Variants in ANKRD18A observed in about 807,000 individuals in gnomAD.
ANKRD18A encodes the protein ankyrin repeat domain 18A.
ANKRD18A carries 72 observed loss-of-function variants against 110.6 expected under a neutral mutation model. The ratio of observed to expected loss-of-function variants is 0.65; its 90% CI spans 0.54 to 0.79. The LOEUF (loss-of-function observed/expected upper bound fraction) is 0.79. Among genes scored for constraint, ANKRD18A ranks in the 30% least tolerant of loss-of-function variants. The pLI, the probability that ANKRD18A is intolerant of heterozygous loss-of-function variation, is 0.00. For missense variants in ANKRD18A, 934 were observed against 1,163.3 expected (o/e 0.80, Z 2.87); for synonymous variants, 305 against 410.3 (o/e 0.74, Z 3.10).
At chr9:38,591,278 A>G (rs2118752395) in intron 10 of ANKRD18A, among the ~76,000 whole-genome samples, 1 of 152,040 alleles carries the variant, frequency 6.6e-6, no homozygotes, top group Non-Finnish European at 1.5e-5. Flanking sequence ...CAGGTGTTCC[A>G]TGGAATGGTT....
intron 5 of ANKRD18A, among the ~76,000 whole-genome samples, chr9:38,608,543 AT>A (rs1401511893): frequency 1.4e-5 from 2 of 147,384 alleles, no homozygotes; most frequent in African/African-American, 4.9e-5. Context: ...ATTATATAAT[AT>A]ATAGATTATA....
At chr9:38,613,014 G>A (rs966455518) in intron 3 of ANKRD18A, among the ~76,000 whole-genome samples, 5 of 151,772 alleles carry the variant, frequency 3.3e-5, no homozygotes, top group African/African-American at 7.3e-5. Context: ...ATAATTGAGG[G>A]ATTTATATAA....
Position 38,612,521 on chromosome 9 carries a change from C to CTTTTTTT in ANKRD18A, c.496-1207_496-1201dup, listed in dbSNP as rs767816627. On this transcript the variant is annotated intron_variant, in intron 3 of 15. Transcript: ENST00000399703. ...AAGTCACTTGCATTTTTTTCTTTTT[C>CTTTTTTT]TTTTTTTTTTTTTGGAAATGGGGTC... 2.8e-3 allele frequency among the ~76,000 whole-genome samples: 353 copies of CTTTTTTT among 124,276 alleles called. 7 individuals are homozygous for CTTTTTTT. Among genetic ancestry groups the CTTTTTTT allele is most frequent in the Admixed American group, 4.7e-3 (55 of 11,808 alleles). The allele number at this position is 124,276 out of a possible 152,430, so 81.5% of individuals were successfully genotyped here.
chr9:38,615,580 T>C lies in ANKRD18A; in HGVS notation c.495+14A>G. The C allele has an allele frequency of 1.9e-6, 3 of 1,554,992 alleles. No individual in the cohort carries two copies. Among genetic ancestry groups the C allele is most frequent in the Non-Finnish European group, 2.6e-6 (3 of 1,155,364 alleles). ...AAAACAAACATTTTGAAAAGAAAGT[T>C]GATTGATCTGTACCTTGTTTAGTGC... On this transcript the variant is annotated intron_variant, in intron 3 of 15. Coordinates refer to ENST00000399703, the MANE Select transcript of ANKRD18A (RefSeq NM_147195.4).
At chr9:38,573,845 T>C (rs1211937292) in intron 15 of ANKRD18A, among the ~76,000 whole-genome samples, 6 of 152,234 alleles carry the variant, frequency 3.9e-5, no homozygotes, top group African/African-American at 1.2e-4. Flanking sequence ...AATAAATTTT[T>C]TCTTAAAAAG....
At chr9:38,585,710 G>A (rs1313541134) in intron 12 of ANKRD18A, among the ~76,000 whole-genome samples, 2 of 152,034 alleles carry the variant, frequency 1.3e-5, no homozygotes, top group African/African-American at 4.8e-5. Context: ...ACATGTATTT[G>A]TATGTTCATT....
intron 12 of ANKRD18A, among the ~76,000 whole-genome samples, chr9:38,583,363 C>T: frequency 6.6e-6 from 1 of 152,144 alleles, no homozygotes; most frequent in East Asian, 1.9e-4. Flanking sequence ...AAAACTCATA[C>T]ATAAATGTTT....
chr9:38,594,429 A>G (rs1824787850), intron 9 of ANKRD18A, among the ~76,000 whole-genome samples: 1 of 152,222 alleles, frequency 6.6e-6, no homozygotes, highest in African/African-American at 2.4e-5. Flanking sequence ...ACTGGAAAGA[A>G]TTATATCCAA....
At position 38,589,029 on chromosome 9, in the gene ANKRD18A, G is replaced by T. The variant is rs528451036; in HGVS notation, c.2005-366C>A. ...TCATTAATAGTTTAAGATATTCCAA[G>T]TTAAATTACATCTTACTAAGATGAT... On this transcript the variant is annotated intron_variant, in intron 10 of 15. Coordinates refer to ENST00000399703, the MANE Select transcript of ANKRD18A (RefSeq NM_147195.4). Among the ~76,000 whole-genome samples the T allele has an allele frequency of 1.5e-3, 223 of 152,260 alleles. 1 individual carries two copies. The highest frequency in any genetic ancestry group is 5.0e-3 in the African/African-American group (206 of 41,562).
chr9:38,617,599 A>C (rs1418889657), intron 1 of ANKRD18A, among the ~76,000 whole-genome samples: 1 of 152,208 alleles, frequency 6.6e-6, no homozygotes. Context: ...AAGACTGATA[A>C]ATTTTCAAAA....
intron 4 of ANKRD18A, among the ~76,000 whole-genome samples, chr9:38,610,908 GT>G (rs1452559198): frequency 6.7e-6 from 1 of 148,854 alleles, no homozygotes; most frequent in African/African-American, 2.5e-5. Flanking sequence ...TAAACTGAAA[GT>G]TAAAGTCTAC....
chr9:38,617,419 G>A (rs557715416), intron 1 of ANKRD18A, among the ~76,000 whole-genome samples: 24 of 152,152 alleles, frequency 1.6e-4, no homozygotes, highest in South Asian at 4.2e-4. Flanking sequence ...CAGCATAGGC[G>A]ACAGAGTGAG....
chr9:38,571,013 C>T (rs111650159), downstream of ANKRD18A: 3 of 1,222,304 alleles, frequency 2.5e-6, no homozygotes, highest in Non-Finnish European at 3.2e-6. Context: ...CCTAGAGACA[C>T]AGCACAGAGA....
chr9:38,594,987 C>G (rs1824809759), intron 9 of ANKRD18A, among the ~76,000 whole-genome samples: 2 of 152,138 alleles, frequency 1.3e-5, no homozygotes, highest in African/African-American at 4.8e-5. Flanking sequence ...GACATAATGT[C>G]TTTACTCAAA....
chr9:38,590,110 T>C (rs1264069571), intron 10 of ANKRD18A, among the ~76,000 whole-genome samples: 1 of 152,174 alleles, frequency 6.6e-6, no homozygotes, highest in East Asian at 1.9e-4. Flanking sequence ...GTCTCACCCT[T>C]AGGATATTCA....
chr9:38,605,119 C>T (rs1825295231), intron 6 of ANKRD18A, among the ~76,000 whole-genome samples: 1 of 152,142 alleles, frequency 6.6e-6, no homozygotes, highest in African/African-American at 2.4e-5. Flanking sequence ...ACTATAAGCT[C>T]CCAGATGACA....
At chr9:38,617,982 C>A (rs1004036132) in intron 1 of ANKRD18A, among the ~76,000 whole-genome samples, 1 of 151,680 alleles carries the variant, frequency 6.6e-6, no homozygotes, top group South Asian at 2.1e-4. Context: ...TCATTGTTTG[C>A]CTATATGTAA....
chr9:38,569,184 A>C, downstream of ANKRD18A: 1 of 984,218 alleles, frequency 1.0e-6, no homozygotes, highest in East Asian at 1.1e-4. Context: ...GCCTGGTGAC[A>C]GGGCCATGAT....
chr9:38,583,954 G>T (rs1587495054), intron 12 of ANKRD18A, among the ~76,000 whole-genome samples: 1 of 152,236 alleles, frequency 6.6e-6, no homozygotes, highest in African/African-American at 2.4e-5. Flanking sequence ...ACAGGGGCTT[G>T]CCTGGACTTG....
Sources: allele counts gnomAD v4.1 joint callset (sites outside exome capture counted in the v4.1 genomes callset), GRCh38; gene constraint gnomAD v4.1.1; transcripts MANE v1.5; gene names NCBI Gene and HGNC (gene_info 2026-07-23, HGNC 2026-07-21).